The following RAB27B variants were observed in gnomAD, a reference collection of about 807,000 sequenced individuals.
RAB27B encodes the protein ras-related protein Rab-27B.
Under a neutral mutation model 24.6 loss-of-function variants are expected in RAB27B, and 15 were observed. The observed-to-expected ratio is 0.61, with a 90% CI of 0.41 to 0.94. RAB27B has a LOEUF of 0.94. Ranked by LOEUF, RAB27B falls within the 40% of genes least tolerant of loss-of-function variation. RAB27B has a pLI of 0.00. For synonymous variants in RAB27B, 105 were observed against 92.5 expected, an observed-to-expected ratio of 1.14 and a Z score of -0.78; for missense variants, 261 against 266.8, an observed-to-expected ratio of 0.98 and a Z score of 0.15.
chr18:54,883,389 A>T (rs1360527332), intron 3 of RAB27B, among the ~76,000 whole-genome samples: 2 of 152,178 alleles, frequency 1.3e-5, no homozygotes, highest in Non-Finnish European at 2.9e-5. Flanking sequence ...AGGCTAAAAT[A>T]GGAGACCAAA....
At chr18:54,776,800 C>T (rs9944929) in intron 2 of RAB27B, among the ~76,000 whole-genome samples, 1,598 of 152,202 alleles carry the variant, frequency 0.01, 31 homozygotes, top group African/African-American at 0.036. Context: ...CAGGCATGCC[C>T]GTAATCCCAG....
chr18:54,759,685 C>A (rs1475039699), intron 2 of RAB27B, among the ~76,000 whole-genome samples: 1 of 152,170 alleles, frequency 6.6e-6, no homozygotes, highest in South Asian at 2.1e-4. Flanking sequence ...CCCCACCATC[C>A]TGTACCCATA....
rs188301886 is a variant in RAB27B, at chr18:54,861,886, C to T, written c.-19-15681C>T. ...CTCTTTGTGTGTATTTCCTAGTCTG[C>T]TCAATGGACATTGGTTCTGCTTCAT... On this transcript the variant is annotated intron_variant, in intron 1 of 5. Coordinates refer to ENST00000262094, the MANE Select transcript of RAB27B (RefSeq NM_004163.4). Among the ~76,000 whole-genome samples, 225 of 152,220 alleles carry T rather than the reference C, an allele frequency of 1.5e-3. 2 individuals carry two copies. Among genetic ancestry groups the T allele is most frequent in the African/African-American group, 4.9e-3 (205 of 41,554 alleles).
chr18:54,875,194 C>T (rs68021739), intron 1 of RAB27B, among the ~76,000 whole-genome samples: 48,159 of 151,784 alleles, frequency 0.32, 7,774 homozygotes, highest in East Asian at 0.47. Context: ...GGTGTGGAGG[C>T]GTGTGTTTGT....
intron 2 of RAB27B, among the ~76,000 whole-genome samples, chr18:54,878,740 TA>T (rs1278250137): frequency 3.9e-5 from 4 of 102,924 alleles, no homozygotes; most frequent in Non-Finnish European, 8.5e-5. Context: ...GCTTAAACAA[TA>T]AAAAGGCCAG....
chr18:54,738,351 A>C (rs1287093803), intron 2 of RAB27B, among the ~76,000 whole-genome samples: 2 of 152,108 alleles, frequency 1.3e-5, no homozygotes, highest in Non-Finnish European at 2.9e-5. Flanking sequence ...CCATGTATTG[A>C]GGGAGGGATC....
chr18:54,841,003 C>T (rs887275216), intron 1 of RAB27B, among the ~76,000 whole-genome samples: 7 of 151,860 alleles, frequency 4.6e-5, no homozygotes, highest in East Asian at 1.9e-4. Flanking sequence ...AAAAATTAGC[C>T]GGGCATGGTG....
chr18:54,830,802 G>A (rs947660883), intron 1 of RAB27B, among the ~76,000 whole-genome samples: 2 of 152,016 alleles, frequency 1.3e-5, no homozygotes, highest in Non-Finnish European at 2.9e-5. Context: ...CCTCCCATTG[G>A]CACTCCTTAA....
At chr18:54,889,134 C>A in intron 5 of RAB27B, 90 bp from the exon 6 acceptor site, 1 of 1,220,808 alleles carries the variant, frequency 8.2e-7, no homozygotes, top group Non-Finnish European at 1.1e-6. Flanking sequence ...CTCAGCCAGC[C>A]GTTTTTGCAT....
At chr18:54,858,115 T>C (rs900880906) in intron 1 of RAB27B, among the ~76,000 whole-genome samples, 1 of 152,200 alleles carries the variant, frequency 6.6e-6, no homozygotes, top group African/African-American at 2.4e-5. Flanking sequence ...TATGAACTAG[T>C]TGATTAACTA....
In RAB27B at chr18:54,780,976, G is replaced by A. The variant is rs147871924; in HGVS notation, c.-20+62835G>A. Among the ~76,000 whole-genome samples, 899 of 152,292 alleles carry A rather than the reference G, an allele frequency of 5.9e-3. 6 individuals carry two copies. The highest frequency in any genetic ancestry group is 0.021 in the African/African-American group (856 of 41,568). On this transcript the variant is annotated intron_variant, in intron 2 of 4. Transcript: ENST00000586570. Reference sequence around the variant, plus strand: ...ACCCATGGTTATACCAATGCCTGCGGGTCTGGGAGAAGTACTCAAATTATT... The same window carrying A: ...ACCCATGGTTATACCAATGCCTGCGAGTCTGGGAGAAGTACTCAAATTATT...
intron 2 of RAB27B, among the ~76,000 whole-genome samples, chr18:54,806,371 G>A (rs191887107): frequency 1.3e-5 from 2 of 151,602 alleles, no homozygotes; most frequent in East Asian, 1.9e-4. Context: ...AGACTGGTTC[G>A]AGGAGCAGTC....
chr18:54,881,279 GC>G (rs1912913270), intron 3 of RAB27B, among the ~76,000 whole-genome samples: 1 of 152,130 alleles, frequency 6.6e-6, no homozygotes, highest in Non-Finnish European at 1.5e-5. Context: ...TTTTGTTCTG[GC>G]TTTTTGAAGT....
intron 1 of RAB27B, among the ~76,000 whole-genome samples, chr18:54,866,105 A>G (rs1294360699): frequency 6.6e-6 from 1 of 151,960 alleles, no homozygotes; most frequent in Non-Finnish European, 1.5e-5. Context: ...CAAAAAAAAA[A>G]CAGAATCACT....
chr18:54,791,852 G>T (rs1009916884), intron 2 of RAB27B, among the ~76,000 whole-genome samples: 1 of 152,196 alleles, frequency 6.6e-6, no homozygotes, highest in East Asian at 1.9e-4. Flanking sequence ...TGGCAAGCCA[G>T]CAGGCCATCA....
intron 1 of RAB27B, among the ~76,000 whole-genome samples, chr18:54,846,245 A>G (rs1264844929): frequency 5.9e-5 from 9 of 152,210 alleles, no homozygotes; most frequent in African/African-American, 7.2e-5. Context: ...CAAATCAACT[A>G]TATATTATAT....
At chr18:54,827,258 T>C (rs116000848), upstream of RAB27B, among the ~76,000 whole-genome samples, 831 of 152,346 alleles carry the variant, frequency 5.5e-3, 8 homozygotes, top group African/African-American at 0.019. Flanking sequence ...GTTACCAAAA[T>C]TATAAGTATA....
chr18:54,791,042 A>G (rs1909230983), intron 2 of RAB27B, among the ~76,000 whole-genome samples: 1 of 152,230 alleles, frequency 6.6e-6, no homozygotes, highest in African/African-American at 2.4e-5. Context: ...TTTTGAAAAC[A>G]TCTTGAACAG....
At chr18:54,767,538 T>C (rs1568058338) in intron 2 of RAB27B, among the ~76,000 whole-genome samples, 1 of 152,220 alleles carries the variant, frequency 6.6e-6, no homozygotes, top group Non-Finnish European at 1.5e-5. Flanking sequence ...AAGAACTCTT[T>C]GTATCAAGGT....
Sources: allele counts gnomAD v4.1 joint callset (sites outside exome capture counted in the v4.1 genomes callset), GRCh38; gene constraint gnomAD v4.1.1; transcripts MANE v1.5; gene names NCBI Gene and HGNC (gene_info 2026-07-23, HGNC 2026-07-21).